The following MMP24 variants were observed in gnomAD, a reference collection of about 807,000 sequenced individuals.
MMP24 encodes matrix metalloproteinase-24.
In MMP24, 25 loss-of-function variants were observed where a neutral mutation model predicts 62.8. That is an observed-to-expected ratio of 0.40 (90% CI 0.29 to 0.56). MMP24 has a LOEUF of 0.56. Among genes scored for constraint, MMP24 ranks in the 20% least tolerant of loss-of-function variants. The probability of loss-of-function intolerance (pLI) is 0.50; values close to 1 mark genes in which losing one functional copy is unlikely to be tolerated. For synonymous variants in MMP24, 319 were observed against 350.5 expected (o/e 0.91, Z 1.00); for missense variants, 634 against 853.6 (o/e 0.74, Z 3.21).
intron 8 of MMP24, among the ~76,000 whole-genome samples, chr20:35,273,056 G>T (rs1160485211): frequency 6.6e-6 from 1 of 152,092 alleles, no homozygotes; most frequent in Admixed American, 6.5e-5. Context: ...TGGGAGCTGG[G>T]GACGTAGCAG....
chr20:35,243,129 A>G lies in MMP24; in HGVS notation c.247-3711A>G, dbSNP rs374949388. Among the ~76,000 whole-genome samples the G allele has an allele frequency of 6.6e-5, 10 of 151,952 alleles. No individual in the cohort carries two copies. In the East Asian group the frequency reaches 1.9e-3, roughly 29 times the overall value. Reference sequence around the variant, plus strand: ...CGGGGGTGAAGGTTGCAGTGAGCCGAGATCACACCACTGCACTCCAGCCTG... The same window carrying G: ...CGGGGGTGAAGGTTGCAGTGAGCCGGGATCACACCACTGCACTCCAGCCTG... On this transcript the variant is annotated intron_variant, in intron 1 of 8. Coordinates refer to ENST00000246186, the MANE Select transcript of MMP24 (RefSeq NM_006690.4).
At chr20:35,239,733 G>A (rs2060480223) in intron 1 of MMP24, among the ~76,000 whole-genome samples, 1 of 152,176 alleles carries the variant, frequency 6.6e-6, no homozygotes. Flanking sequence ...AGGCTGAGGT[G>A]GGAGGATCAC....
chr20:35,254,812 T>A, intron 4 of MMP24, 58 bp downstream of exon 4: 12 of 1,522,954 alleles, frequency 7.9e-6, no homozygotes, highest in Non-Finnish European at 1.1e-5. Context: ...GGGAAAGAAC[T>A]TGGAGGACAT....
intron 8 of MMP24, among the ~76,000 whole-genome samples, chr20:35,272,800 T>C (rs763246621): frequency 3.9e-5 from 6 of 152,196 alleles, no homozygotes; most frequent in Non-Finnish European, 7.3e-5. Context: ...TCTGAGCAAA[T>C]CTTTAATAAG....
Position 35,252,029 on chromosome 20 carries a change from G to C in MMP24, c.512+8G>C. ...AAAACACATCACCTACAGGTGCTTC[G>C]ACTCTCCCTCTTCCTCCCTGCCTTT... On this transcript the variant is annotated splice_region_variant and intron_variant, in intron 3 of 8. Transcript: ENST00000246186. 6.3e-7 allele frequency: 1 copy of C among 1,599,318 alleles called. No individual in the cohort carries two copies. Among genetic ancestry groups the C allele is most frequent in the Non-Finnish European group, 8.6e-7 (1 of 1,166,508 alleles).
Position 35,254,678 on chromosome 20 carries a change from C to A in MMP24, c.741C>A (p.Phe247Leu). Residue 247 changes from phenylalanine (F) to leucine (L), a missense_variant, in exon 4 of 9, where the codon TTC becomes TTA. Phe to Leu is a conservative substitution (Grantham distance 22). This residue lies in a region of MMP24 where 23 missense variants were observed against 63.1 expected (regional missense o/e 0.36). Coordinates refer to ENST00000246186, the MANE Select transcript of MMP24 (RefSeq NM_006690.4). ...GGGGATTCCTGGCCCATGCCTACTT[C>A]CCTGGCCCAGGGATTGGAGGAGACA... ...GEGGFLAHAY[F>L]PGPGIGGDTH... 6.2e-7 allele frequency: 1 copy of A among 1,614,198 alleles called. No individual in the cohort carries two copies. The highest frequency in any genetic ancestry group is 8.5e-7 in the Non-Finnish European group (1 of 1,180,048).
At chr20:35,227,368 G>A (rs1159059602) in intron 1 of MMP24, among the ~76,000 whole-genome samples, 1 of 151,628 alleles carries the variant, frequency 6.6e-6, no homozygotes, top group East Asian at 2.0e-4. Context: ...AACCGAGGAT[G>A]TTCAAGCTGG....
chr20:35,261,004 G>A (rs567416908), intron 4 of MMP24, among the ~76,000 whole-genome samples: 37 of 152,290 alleles, frequency 2.4e-4, no homozygotes, highest in Middle Eastern at 3.4e-3. Flanking sequence ...GGAATGGGCC[G>A]AGCCATGCCT....
At chr20:35,236,204 A>G (rs567289951) in intron 1 of MMP24, 8 of 138,954 alleles carry the variant, frequency 5.8e-5, no homozygotes, top group South Asian at 2.1e-4. Context: ...GTAAGTGAAG[A>G]AAAAAAACAG....
chr20:35,237,043 T>C (rs1209073274), intron 1 of MMP24, among the ~76,000 whole-genome samples: 2 of 151,452 alleles, frequency 1.3e-5, no homozygotes, highest in Non-Finnish European at 2.9e-5. Context: ...GCCAAGCGTC[T>C]CTGCCTTTCA....
rs1324965717 is a variant in MMP24, at chr20:35,226,768, G to C, written c.30G>C (p.Ala10=). MPRSRGGRA[A]PGPPPPPPPP... is the part of the protein sequence containing the mutation. ...CGAGGAGCCGGGGCGGCCGCGCCGC[G>C]CCGGGGCCGCCGCCGCCGCCGCCGC... The change falls in exon 1 of 9, where the codon GCG becomes GCC. Residue 10 remains alanine (A), a synonymous_variant. Transcript: ENST00000246186. The C allele has an allele frequency of 1.5e-5, 13 of 881,138 alleles. No individual in the cohort carries two copies. The Admixed American group carries it at 3.8e-4, about 26-fold the overall frequency. 54.6% of individuals were successfully genotyped at this position (881,138 alleles called of 1,614,324 possible).
chr20:35,227,463 G>T (rs2060419732), intron 1 of MMP24, among the ~76,000 whole-genome samples: 1 of 151,966 alleles, frequency 6.6e-6, no homozygotes, highest in African/African-American at 2.4e-5. Context: ...GGATAGACTT[G>T]TTCTAGCTTG....
chr20:35,260,896 A>C (rs1047362036), intron 4 of MMP24, among the ~76,000 whole-genome samples: 10 of 152,084 alleles, frequency 6.6e-5, no homozygotes, highest in African/African-American at 2.4e-4. Flanking sequence ...CCCCACCCCC[A>C]TGTGTCCCTA....
At chr20:35,242,159 C>T (rs1568611240) in intron 1 of MMP24, among the ~76,000 whole-genome samples, 1 of 152,010 alleles carries the variant, frequency 6.6e-6, no homozygotes, top group African/African-American at 2.4e-5. Flanking sequence ...TGGTGAAACC[C>T]CGTCCCTACT....
chr20:35,272,142 C>G, intron 8 of MMP24: 2 of 452,260 alleles, frequency 4.4e-6, no homozygotes, highest in Non-Finnish European at 7.8e-6. Context: ...TTGAGTTACC[C>G]AATCTGAAAA....
chr20:35,254,807 A>T, intron 4 of MMP24, 53 bp downstream of exon 4: 2 of 1,533,682 alleles, frequency 1.3e-6, no homozygotes, highest in Non-Finnish European at 1.8e-6. Context: ...TTGTTGGGAA[A>T]GAACTTGGAG....
At chr20:35,267,678 T>C (rs2060643227) in intron 6 of MMP24, among the ~76,000 whole-genome samples, 1 of 152,228 alleles carries the variant, frequency 6.6e-6, no homozygotes, top group Admixed American at 6.5e-5. Flanking sequence ...GGAAGCTGGC[T>C]TCTGGTCTGT....
intron 2 of MMP24, among the ~76,000 whole-genome samples, chr20:35,251,505 T>G (rs2060547045): frequency 6.6e-6 from 1 of 152,090 alleles, no homozygotes; most frequent in Admixed American, 6.5e-5. Flanking sequence ...CTCATTGCAT[T>G]TACAGAGCAT....
At chr20:35,239,063 T>G (rs912637178) in intron 1 of MMP24, among the ~76,000 whole-genome samples, 1 of 151,280 alleles carries the variant, frequency 6.6e-6, no homozygotes, top group African/African-American at 2.4e-5. Context: ...TTTTTTTTTT[T>G]TTTAGACAGA....
Sources: gnomAD v4.1 joint callset for allele counts (sites outside exome capture counted in the v4.1 genomes callset) on GRCh38, gnomAD v4.1.1 for gene constraint, gnomAD v4.1.1 regional missense constraint, MANE v1.5 for transcripts, NCBI Gene and HGNC (gene_info 2026-07-23, HGNC 2026-07-21) for gene names.